Variants in USH2A observed in about 807,000 individuals in gnomAD.
The protein encoded by USH2A is Usher syndrome 2A (autosomal recessive, mild).
In USH2A, 443 loss-of-function variants were observed where a neutral mutation model predicts 538.9. The observed-to-expected ratio is 0.82, with a 90% CI of 0.76 to 0.89. The LOEUF is 0.89. Among genes scored for constraint, USH2A ranks in the 40% least tolerant of loss-of-function variants. The probability of loss-of-function intolerance (pLI) is 0.00; values close to 1 mark genes in which losing one functional copy is unlikely to be tolerated. For synonymous variants in USH2A, 2,413 were observed against 2,273.5 expected, an observed-to-expected ratio of 1.06 and a Z score of -1.75; for missense variants, 6,633 against 6,324.8, an observed-to-expected ratio of 1.05 and a Z score of -1.65.
intron 38 of USH2A, among the ~76,000 whole-genome samples, chr1:215,923,673 C>G (rs895338313): frequency 6.6e-6 from 1 of 151,976 alleles, no homozygotes; most frequent in Admixed American, 6.6e-5. Flanking sequence ...GAAATTGGAG[C>G]CCTGTCATCA....
At chr1:215,640,301 C>T (rs1656632170) in intron 68 of USH2A, among the ~76,000 whole-genome samples, 1 of 152,206 alleles carries the variant, frequency 6.6e-6, no homozygotes, top group Non-Finnish European at 1.5e-5. Flanking sequence ...GGTCTTATCC[C>T]TTCCTGGGGA....
At chr1:215,932,735 A>G (rs1666395938) in intron 38 of USH2A, among the ~76,000 whole-genome samples, 1 of 152,038 alleles carries the variant, frequency 6.6e-6, no homozygotes, top group Admixed American at 6.6e-5. Flanking sequence ...CATCAGGCCC[A>G]GAGAGTGTGG....
At chr1:215,906,792 T>C (rs1192115314) in intron 38 of USH2A, among the ~76,000 whole-genome samples, 1 of 152,046 alleles carries the variant, frequency 6.6e-6, no homozygotes, top group Non-Finnish European at 1.5e-5. Context: ...AATGGAGAAG[T>C]CTTCATGTTA....
At chr1:216,381,919 T>C (rs534376841) in intron 3 of USH2A, among the ~76,000 whole-genome samples, 1 of 152,320 alleles carries the variant, frequency 6.6e-6, no homozygotes, top group African/African-American at 2.4e-5. Context: ...CTGCAAGTAC[T>C]GTATTTTCAA....
intron 4 of USH2A, among the ~76,000 whole-genome samples, chr1:216,335,857 G>A (rs533365140): frequency 5.8e-4 from 88 of 151,626 alleles, no homozygotes; most frequent in Non-Finnish European, 1.1e-3. Context: ...TAAAGAAGAA[G>A]TAGCACCATT....
chr1:216,033,973 G>T (rs184949794), intron 32 of USH2A, among the ~76,000 whole-genome samples: 1 of 152,290 alleles, frequency 6.6e-6, no homozygotes, highest in East Asian at 1.9e-4. Flanking sequence ...AGAAAAAAGA[G>T]CACATTGGTA....
intron 47 of USH2A, among the ~76,000 whole-genome samples, chr1:215,831,223 T>G (rs979311734): frequency 2.0e-5 from 3 of 152,122 alleles, no homozygotes; most frequent in African/African-American, 7.2e-5. Context: ...AAGGAAAGAC[T>G]AATAGATCTG....
chr1:215,887,582 T>C (rs969872331), intron 41 of USH2A, among the ~76,000 whole-genome samples: 3 of 152,234 alleles, frequency 2.0e-5, no homozygotes, highest in African/African-American at 7.2e-5. Flanking sequence ...ACAAAGACTT[T>C]TAAAAATAGC....
chr1:215,960,338 T>G (rs2102449858), intron 37 of USH2A, among the ~76,000 whole-genome samples: 1 of 152,254 alleles, frequency 6.6e-6, no homozygotes, highest in African/African-American at 2.4e-5. Context: ...ATTCCCAAAC[T>G]TACACATTTG....
intron 43 of USH2A, among the ~76,000 whole-genome samples, chr1:215,870,457 G>GTTT (rs1664597350): frequency 8.4e-6 from 1 of 118,680 alleles, no homozygotes; most frequent in Non-Finnish European, 1.7e-5. Context: ...ACCACTCCTA[G>GTTT]CTTTTTTTTT....
At chr1:215,666,630 T>C (rs960684122) in intron 64 of USH2A, among the ~76,000 whole-genome samples, 4 of 152,200 alleles carry the variant, frequency 2.6e-5, no homozygotes, top group South Asian at 2.1e-4. Flanking sequence ...ACCCAGAATG[T>C]TGTGAAATTT....
intron 21 of USH2A, among the ~76,000 whole-genome samples, chr1:216,148,038 C>T (rs1434880818): frequency 6.7e-5 from 10 of 150,046 alleles, no homozygotes; most frequent in African/African-American, 9.8e-5. Context: ...CCGATCGCCT[C>T]GGAAGCCCCC....
Position 216,247,184 on chromosome 1 carries a change from C to G in USH2A, c.2210G>C (p.Arg737Pro). Residue 737 changes from arginine (R) to proline (P), a missense_variant, in exon 13 of 72, where the codon CGA (arginine) becomes CCA (proline). Coordinates refer to ENST00000307340, the MANE Select transcript of USH2A (RefSeq NM_206933.4). The stretch of plus-strand genomic sequence containing the variant: ...CTCACATCCAACATCATTAAAGCTT[C>G]GGAGAAATTTAAATCCAAAATTGCA... Reference protein sequence around the residue: ...DHCNFGFKFLRSFNDVGCEPC... With the variant: ...DHCNFGFKFLPSFNDVGCEPC... 1 of 1,613,890 alleles carries G rather than the reference C, an allele frequency of 6.2e-7. No individual in the cohort carries two copies. Among genetic ancestry groups the G allele is most frequent in the African/African-American group, 1.3e-5 (1 of 74,998 alleles).
intron 3 of USH2A, among the ~76,000 whole-genome samples, chr1:216,402,588 T>C (rs371652808): frequency 6.6e-6 from 1 of 152,142 alleles, no homozygotes; most frequent in African/African-American, 2.4e-5. Context: ...AGTAAATATA[T>C]ATTTATCTTC....
chr1:216,047,394 G>A (rs1340301506), intron 31 of USH2A, among the ~76,000 whole-genome samples: 1 of 152,108 alleles, frequency 6.6e-6, no homozygotes, highest in Non-Finnish European at 1.5e-5. Flanking sequence ...TGTAAGAGGG[G>A]ATGATAATCA....
At chr1:216,401,106 T>C (rs2039296850) in intron 3 of USH2A, among the ~76,000 whole-genome samples, 1 of 152,110 alleles carries the variant, frequency 6.6e-6, no homozygotes, top group Non-Finnish European at 1.5e-5. Context: ...CTCAGTGTAA[T>C]GTGATGCTCA....
intron 22 of USH2A, among the ~76,000 whole-genome samples, chr1:216,090,783 G>A (rs1261825723): frequency 2.6e-5 from 4 of 152,114 alleles, no homozygotes; most frequent in African/African-American, 7.2e-5. Flanking sequence ...GGGATTACTA[G>A]CATGGGATGC....
At chr1:216,167,566 C>A (rs1013263025) in intron 21 of USH2A, among the ~76,000 whole-genome samples, 7 of 152,070 alleles carry the variant, frequency 4.6e-5, no homozygotes, top group Admixed American at 3.9e-4. Flanking sequence ...CAATTGCTGG[C>A]AGACTACTGT....
chr1:215,931,961 C>A (rs999398166), intron 38 of USH2A, among the ~76,000 whole-genome samples: 2 of 151,870 alleles, frequency 1.3e-5, no homozygotes, highest in African/African-American at 2.4e-5. Context: ...TAGGATTTGG[C>A]CAGATTAAAC....
Sources: gnomAD v4.1 joint callset for allele counts (sites outside exome capture counted in the v4.1 genomes callset) on GRCh38, gnomAD v4.1.1 for gene constraint, MANE v1.5 for transcripts, NCBI Gene and HGNC (gene_info 2026-07-23, HGNC 2026-07-21) for gene names.